Variants in TARS2 observed in about 807,000 individuals in gnomAD.
The protein encoded by TARS2 is threonyl-tRNA synthetase 2, mitochondrial.
A neutral mutation model predicts 94.4 loss-of-function variants in TARS2; 61 were observed. That is an observed-to-expected ratio of 0.65 (90% CI 0.53 to 0.80). TARS2 has a LOEUF of 0.80. TARS2 is among the 30% of genes least tolerant of loss of function. TARS2 has a pLI of 0.00. For missense variants in TARS2, 704 were observed against 902.5 expected (o/e 0.78, Z 2.82); for synonymous variants, 359 against 353.4 (o/e 1.02, Z -0.18).
intron 13 of TARS2, among the ~76,000 whole-genome samples, chr1:150,502,511 C>T (rs1400681710): frequency 6.6e-6 from 1 of 151,900 alleles, no homozygotes; most frequent in Admixed American, 6.6e-5. Context: ...TCAGCCTCCC[C>T]AGTAGCTGGG....
At chr1:150,498,872 A>T in intron 11 of TARS2, 25 bp from the exon 12 acceptor site, 2 of 1,613,952 alleles carry the variant, frequency 1.2e-6, no homozygotes, top group Non-Finnish European at 1.7e-6. Context: ...CTCACAGCTC[A>T]CTGACCCTTA....
chr1:150,497,618 A>G lies in TARS2; in HGVS notation c.1109A>G (p.His370Arg), dbSNP rs368313209. The G allele has an allele frequency of 5.6e-6, 9 of 1,614,030 alleles. No individual in the cohort carries two copies. Among genetic ancestry groups the G allele is most frequent in the African/African-American group, 1.3e-5 (1 of 74,914 alleles). Residue 370 changes from histidine (H) to arginine (R), a missense_variant, in exon 10 of 18, where the codon CAT (histidine) becomes CGT (arginine). This residue lies in a region of TARS2 where 466 missense variants were observed against 609.5 expected (regional missense o/e 0.76). Coordinates refer to ENST00000369064, the MANE Select transcript of TARS2 (RefSeq NM_025150.5). The stretch of plus-strand genomic sequence containing the variant: ...TGGGAACAGTCAGGGCACTGGGAGC[A>G]TTATCAGGAAGACATGTTTGCCGTG... ...KLWEQSGHWE[H>R]YQEDMFAVQP...
rs760713107 is a variant in TARS2 at position 150,505,652 on chromosome 1, C to T, written c.1955C>T (p.Thr652Ile). Residue 652 changes from threonine (T) to isoleucine (I), a missense_variant, in exon 17 of 18, where the codon ACC becomes ATC. Transcript: ENST00000369064. ...VSDLDADSGL[T>I]LSRRIRRAQL... is the part of the protein sequence containing the mutation. The stretch of plus-strand genomic sequence containing the variant: ...GACCTGGATGCAGACTCTGGACTGA[C>T]CCTCAGCCGGAGAATCCGCCGGGCC... 1.2e-6 allele frequency: 2 copies of T among 1,614,180 alleles called. No homozygotes were observed. The highest frequency in any genetic ancestry group is 1.6e-4 in the Middle Eastern group (1 of 6,062).
At position 150,488,048 on chromosome 1, in the gene TARS2, A is replaced by G; in HGVS notation, c.257A>G (p.Gln86Arg). The change falls in exon 2 of 18, where the codon CAG becomes CGG. Residue 86 changes from glutamine to arginine, a missense_variant. This residue lies in a region of TARS2 where 208 missense variants were observed against 228.5 expected (regional missense o/e 0.91). Transcript: ENST00000369064. ...WNTTPYQLAR[Q>R]ISSTLADTAV... ...ACAACCCCCTACCAACTAGCCCGGC[A>G]GATCAGGTAACAGGCCCATCCTGTA... The G allele has an allele frequency of 6.2e-7, 1 of 1,613,960 alleles. No homozygotes were observed.
chr1:150,489,958 C>T (rs1669310088), intron 3 of TARS2, among the ~76,000 whole-genome samples: 1 of 151,862 alleles, frequency 6.6e-6, no homozygotes, highest in Non-Finnish European at 1.5e-5. Context: ...AAAAATTATT[C>T]TGAAGCCCTA....
chr1:150,490,453 C>A, intron 3 of TARS2, 148 bp from the exon 4 acceptor site: 1 of 1,232,836 alleles, frequency 8.1e-7, no homozygotes, highest in Non-Finnish European at 1.1e-6. Flanking sequence ...TAGTGGTCAC[C>A]CCCAAAATCT....
chr1:150,496,015 C>T (rs373239235), intron 7 of TARS2, among the ~76,000 whole-genome samples: 10 of 152,166 alleles, frequency 6.6e-5, no homozygotes, highest in South Asian at 2.1e-4. Context: ...CCACCGCGCC[C>T]GGCTCATTAG....
intron 16 of TARS2, 59 bp from the exon 17 acceptor site, chr1:150,505,532 T>G (rs943264829): frequency 4.2e-6 from 6 of 1,443,954 alleles, no homozygotes; most frequent in East Asian, 2.3e-5. Context: ...AGCATCAGAC[T>G]GTTCTAGCTC....
In TARS2 at chr1:150,487,839, AAT is replaced by A; in HGVS notation, c.67-14_67-13del. ...AATGATGGGACGTGTGTTACCTGCT[AAT>A]ATATCTTTCCCTCCAGGCAGTTGTG... On this transcript the variant is annotated splice_polypyrimidine_tract_variant and intron_variant, in intron 1 of 17. Transcript: ENST00000369064. 4 of 1,608,912 alleles carry A rather than the reference AAT, an allele frequency of 2.5e-6. No homozygotes were observed. Among genetic ancestry groups the A allele is most frequent in the Non-Finnish European group, 3.4e-6 (4 of 1,178,034 alleles).
chr1:150,499,263 C>T lies in TARS2; in HGVS notation c.1587C>T (p.Asn529=), dbSNP rs749903315. 2.5e-6 allele frequency: 4 copies of T among 1,614,022 alleles called. No homozygotes were observed. The African/African-American group carries it at 5.3e-5, about 22-fold the overall frequency. The change falls in exon 13 of 18, where the codon AAC becomes AAT. Residue 529 remains asparagine, a synonymous_variant. Coordinates refer to ENST00000369064, the MANE Select transcript of TARS2 (RefSeq NM_025150.5). ...AATTTGGAGAACCCTGGGACCTCAA[C>T]TCTGGAGATGGTGCCTTCTATGGAC... The part of the protein sequence containing the change: ...LKEFGEPWDL[N]SGDGAFYGPK...
intron 6 of TARS2, 23 bp from the exon 7 acceptor site, chr1:150,492,388 A>G (rs779284538): frequency 2.5e-6 from 4 of 1,612,512 alleles, no homozygotes; most frequent in Non-Finnish European, 3.4e-6. Context: ...GAAAATCACT[A>G]ACTGGCCTCT....
At chr1:150,497,877 A>C in intron 10 of TARS2, 130 bp downstream of exon 10, 1 of 914,254 alleles carries the variant, frequency 1.1e-6, no homozygotes, top group Non-Finnish European at 1.6e-6. Flanking sequence ...GGATCACCTG[A>C]GGTCGGGAGT....
chr1:150,492,298 CAGT>C, intron 6 of TARS2, 110 bp from the exon 7 acceptor site: 1 of 1,121,790 alleles, frequency 8.9e-7, no homozygotes, highest in Non-Finnish European at 1.3e-6. Context: ...TGCCCTCTCT[CAGT>C]AGGACAGTTC....
At chr1:150,493,622 A>G (rs930479228) in intron 7 of TARS2, among the ~76,000 whole-genome samples, 10 of 151,936 alleles carry the variant, frequency 6.6e-5, no homozygotes, top group African/African-American at 2.4e-4. Flanking sequence ...GCGTGGTGGC[A>G]CATGCCTGTA....
intron 3 of TARS2, among the ~76,000 whole-genome samples, 170 bp from the exon 4 acceptor site, chr1:150,490,431 C>G (rs1004002261): frequency 1.3e-5 from 2 of 151,692 alleles, no homozygotes; most frequent in African/African-American, 4.8e-5. Context: ...TTTTTTTAAG[C>G]TTGTTACTTT....
chr1:150,489,073 C>T lies in TARS2; in HGVS notation c.373C>T (p.Pro125Ser). 1 of 1,614,130 alleles carries T rather than the reference C, an allele frequency of 6.2e-7. No homozygotes were observed. The highest frequency in any genetic ancestry group is 8.5e-7 in the Non-Finnish European group (1 of 1,180,004). Residue 125 changes from proline to serine, a missense_variant, in exon 3 of 18, where the codon CCA (proline) becomes TCA (serine). Coordinates refer to ENST00000369064, the MANE Select transcript of TARS2 (RefSeq NM_025150.5). The stretch of plus-strand genomic sequence containing the variant: ...CCTCAGATTTCTGACATTCGATTCC[C>T]CAGAGGGGAAAGCAGTAAGTTTCTT... Reference protein sequence around the residue: ...SDLRFLTFDSPEGKAVFWHSS... With the variant: ...SDLRFLTFDSSEGKAVFWHSS...
At chr1:150,498,274 G>T (rs1669759699) in intron 10 of TARS2, among the ~76,000 whole-genome samples, 1 of 152,128 alleles carries the variant, frequency 6.6e-6, no homozygotes, top group African/African-American at 2.4e-5. Flanking sequence ...ACAGAACAGG[G>T]AAATGGTAAA....
chr1:150,497,867 G>A lies in TARS2; in HGVS notation c.1238+120G>A, dbSNP rs1349583549. The A allele has an allele frequency of 5.4e-5, 55 of 1,017,168 alleles. 1 individual carries two copies. Among genetic ancestry groups the A allele is most frequent in the South Asian group, 1.5e-4 (9 of 60,278 alleles). 63.0% of individuals were successfully genotyped at this position (1,017,168 alleles called of 1,614,324 possible). A position where few individuals can be genotyped will look rare whatever the true frequency, so the allele number is the denominator to read the frequency against. On this transcript the variant is annotated intron_variant, in intron 10 of 17. Coordinates refer to ENST00000369064, the MANE Select transcript of TARS2 (RefSeq NM_025150.5). ...AACACTTTGGGAGGCCGAGGCGGGCGGATCACCTGAGGTCGGGAGTTTGAG... is the reference window on the plus strand; with the variant it reads ...AACACTTTGGGAGGCCGAGGCGGGCAGATCACCTGAGGTCGGGAGTTTGAG...
chr1:150,497,831 C>T, intron 10 of TARS2, 84 bp downstream of exon 10: 1 of 1,398,350 alleles, frequency 7.2e-7, no homozygotes, highest in Admixed American at 2.2e-5. Context: ...GTGGCTCACG[C>T]CTGTAATCCC....
Sources: gnomAD v4.1 joint callset for allele counts (sites outside exome capture counted in the v4.1 genomes callset) on GRCh38, gnomAD v4.1.1 for gene constraint, gnomAD v4.1.1 regional missense constraint, MANE v1.5 for transcripts, NCBI Gene and HGNC (gene_info 2026-07-23, HGNC 2026-07-21) for gene names.